The following ZBTB40 variants were observed in gnomAD, a reference collection of about 807,000 sequenced individuals.
ZBTB40 encodes the protein zinc finger and BTB domain containing 40, also known as zinc finger and BTB domain-containing protein 40.
ZBTB40 carries 60 observed loss-of-function variants against 117.5 expected under a neutral mutation model. The observed-to-expected ratio is 0.51, with a 90% CI of 0.41 to 0.63. The LOEUF is 0.63. ZBTB40 is among the 30% of genes least tolerant of loss of function. ZBTB40 has a pLI of 0.00. For synonymous variants in ZBTB40, 525 were observed against 577.1 expected (o/e 0.91, Z 1.29); for missense variants, 1,287 against 1,498.5 (o/e 0.86, Z 2.33).
rs780207871 is a variant in ZBTB40 at position 22,512,883 on chromosome 1, G to C, written c.2462-41G>C. The C allele has an allele frequency of 1.9e-6, 3 of 1,604,994 alleles. No individual in the cohort carries two copies. In the African/African-American group the frequency reaches 4.0e-5, roughly 21 times the overall value. ...TGTGCTAGATTCCTAACACTGATTA[G>C]TAGCATCTCTTCTGGCCTCTGGTGT... On this transcript the variant is annotated intron_variant, in intron 11 of 17. Coordinates refer to ENST00000375647, the MANE Select transcript of ZBTB40 (RefSeq NM_014870.4).
At chr1:22,433,432 C>CAAAAAACAAAAACAAAAACAAAAAAAAAA (rs1491371695) in intron 1 of ZBTB40, among the ~76,000 whole-genome samples, 1 of 8,766 alleles carries the variant, frequency 1.1e-4, no homozygotes, top group Non-Finnish European at 2.8e-4. Flanking sequence ...GACGCCCTCT[C>CAAAAAACAAAAACAAAAACAAAAAAAAAA]AAAAAAAAAA....
chr1:22,521,002 G>A (rs1639508108), intron 14 of ZBTB40, among the ~76,000 whole-genome samples: 1 of 152,188 alleles, frequency 6.6e-6, no homozygotes, highest in African/African-American at 2.4e-5. Context: ...GGAAGGAGAG[G>A]GACTCTTGCT....
intron 1 of ZBTB40, among the ~76,000 whole-genome samples, chr1:22,430,527 G>T (rs909729149): frequency 2.4e-4 from 36 of 152,158 alleles, no homozygotes; most frequent in Non-Finnish European, 1.2e-4. Context: ...GGAGGCCAAG[G>T]CTGCAGCAAT....
In ZBTB40 at chr1:22,529,248, G is replaced by A. The variant is rs16827292; in HGVS notation, c.*2852G>A. On this transcript the variant is annotated 3_prime_UTR_variant, in exon 18 of 18. Transcript: ENST00000375647. ...ACATCGCTCGCTTCCATGGGGTCCC[G>A]GTGTTGTTTTTGCCTCGTTCCCCAT... is the stretch of plus-strand genomic sequence containing the variant. 0.03 allele frequency: 4,567 copies of A among 152,432 alleles called. 101 individuals carry two copies. The highest frequency in any genetic ancestry group is 0.14 in the East Asian group (730 of 5,296). The allele number at this position is 152,432 out of a possible 1,614,324, so 9.4% of individuals were successfully genotyped here. A position where few individuals can be genotyped will look rare whatever the true frequency, so the allele number is the denominator to read the frequency against.
chr1:22,460,526 A>C (rs1227541671), intron 1 of ZBTB40, among the ~76,000 whole-genome samples: 2 of 152,160 alleles, frequency 1.3e-5, no homozygotes, highest in Admixed American at 6.5e-5. Flanking sequence ...GTTTCATGTA[A>C]CCCTCACAAC....
chr1:22,490,428 C>T lies in ZBTB40; in HGVS notation c.480C>T (p.Ser160=), dbSNP rs1204712273. 1 of 1,608,048 alleles carries T rather than the reference C, an allele frequency of 6.2e-7. No individual in the cohort carries two copies. The highest frequency in any genetic ancestry group is 1.3e-5 in the African/African-American group (1 of 74,566). Residue 160 remains serine (S), a synonymous_variant, in exon 2 of 18, where the codon TCC becomes TCT. Transcript: ENST00000375647. ...AAGGTGCTGGAGAGCCTCATTCTTC[C>T]CCAGAGCTTGCTGCCACTCCAGGGG... ...SSEGAGEPHS[S]PELAATPGGP...
intron 12 of ZBTB40, among the ~76,000 whole-genome samples, chr1:22,515,873 A>G (rs1218726143): frequency 6.6e-6 from 1 of 152,202 alleles, no homozygotes; most frequent in Non-Finnish European, 1.5e-5. Flanking sequence ...TTACATTTTC[A>G]GAAGTTAATT....
intron 10 of ZBTB40, 92 bp downstream of exon 10, chr1:22,511,439 A>G: frequency 6.5e-7 from 1 of 1,542,330 alleles, no homozygotes. Context: ...ATAGTTTATC[A>G]CAACCTTAAG....
chr1:22,496,669 A>G (rs760073838), intron 3 of ZBTB40, among the ~76,000 whole-genome samples: 2 of 152,198 alleles, frequency 1.3e-5, no homozygotes, highest in Non-Finnish European at 2.9e-5. Flanking sequence ...GGCTGCAGGT[A>G]TGGCAACACC....
At chr1:22,515,501 G>A (rs181587147) in intron 12 of ZBTB40, among the ~76,000 whole-genome samples, 17 of 152,298 alleles carry the variant, frequency 1.1e-4, no homozygotes, top group Admixed American at 3.9e-4. Flanking sequence ...AGTTCCTTCT[G>A]GAGGCTCTAG....
Position 22,525,954 on chromosome 1 carries a change from C to T in ZBTB40, c.3526-248C>T, listed in dbSNP as rs138710491. Among the ~76,000 whole-genome samples, 582 of 152,062 alleles carry T rather than the reference C, an allele frequency of 3.8e-3. 2 individuals carry two copies. Among genetic ancestry groups the T allele is most frequent in the Middle Eastern group, 0.01 (3 of 294 alleles). On this transcript the variant is annotated intron_variant, in intron 17 of 17. Transcript: ENST00000375647. ...TTCGCTGGTGTATAATCATAGAGTC[C>T]GGGCGCCCCGAGATGGCGTACTGAG... is the stretch of plus-strand genomic sequence containing the variant.
chr1:22,507,753 T>C (rs1255542067), intron 6 of ZBTB40, among the ~76,000 whole-genome samples: 1 of 152,184 alleles, frequency 6.6e-6, no homozygotes, highest in African/African-American at 2.4e-5. Context: ...GGTGAGCAAT[T>C]GCTAGCTCCT....
intron 1 of ZBTB40, among the ~76,000 whole-genome samples, chr1:22,461,331 T>G (rs1641127441): frequency 2.3e-3 from 1 of 442 alleles, no homozygotes; most frequent in South Asian, 0.17. Context: ...GTTCCGTTGT[T>G]TTTTTTTTTT....
At chr1:22,437,739 A>G (rs908205588) in intron 1 of ZBTB40, among the ~76,000 whole-genome samples, 4 of 151,802 alleles carry the variant, frequency 2.6e-5, no homozygotes, top group African/African-American at 9.7e-5. Context: ...CATCTTAACT[A>G]CTTTTAAGTG....
rs745947519 is a variant in ZBTB40, at chr1:22,490,340, C to A, written c.392C>A (p.Ala131Glu). Reference protein sequence around the residue: ...VQGQVVRDVSAPSSETFRKEP... With the variant: ...VQGQVVRDVSEPSSETFRKEP... ...GGTCAGGTGGTAAGGGATGTCTCTG[C>A]GCCATCCTCAGAGACATTCAGAAAG... is the stretch of plus-strand genomic sequence containing the variant. The change falls in exon 2 of 18, where the codon GCG becomes GAG. Residue 131 changes from alanine to glutamate, a missense_variant. Around this residue, in one of 2 missense-constraint regions of ZBTB40, gnomAD observed 870 missense variants for 934.4 expected, o/e 0.93. Coordinates refer to ENST00000375647, the MANE Select transcript of ZBTB40 (RefSeq NM_014870.4). 3 of 1,614,010 alleles carry A rather than the reference C, an allele frequency of 1.9e-6. No individual in the cohort carries two copies. Among genetic ancestry groups the A allele is most frequent in the Non-Finnish European group, 1.7e-6 (2 of 1,180,032 alleles).
chr1:22,520,568 A>G (rs985264457), intron 14 of ZBTB40, among the ~76,000 whole-genome samples: 2 of 152,194 alleles, frequency 1.3e-5, no homozygotes, highest in African/African-American at 4.8e-5. Context: ...CTCACCTTCC[A>G]TAGAACCCAT....
chr1:22,526,307 G>T lies in ZBTB40; in HGVS notation c.3631G>T (p.Ala1211Ser), dbSNP rs1639675517. Residue 1211 changes from alanine to serine, a missense_variant, in exon 18 of 18, where the codon GCA becomes TCA. Physicochemically the swap from Ala to Ser is moderately conservative, Grantham distance 99. This residue lies in a region of ZBTB40 where 417 missense variants were observed against 564.1 expected (regional missense o/e 0.74). Coordinates refer to ENST00000375647, the MANE Select transcript of ZBTB40 (RefSeq NM_014870.4). The part of the protein sequence containing the change: ...QVFVTLPDSQ[A>S]SQASSELVAV... ...GTTTGTGACGTTGCCAGATTCTCAG[G>T]CATCTCAGGCCAGCTCTGAGCTCGT... The T allele has an allele frequency of 6.2e-7, 1 of 1,614,188 alleles. No homozygotes were observed.
At chr1:22,516,754 C>G (rs1639383661) in intron 12 of ZBTB40, among the ~76,000 whole-genome samples, 1 of 152,142 alleles carries the variant, frequency 6.6e-6, no homozygotes, top group Non-Finnish European at 1.5e-5. Context: ...CAGACTTGTT[C>G]TTTATCCACA....
At position 22,501,494 on chromosome 1, in the gene ZBTB40, G is replaced by A; in HGVS notation, c.834G>A (p.Met278Ile). ...CSEIKGPQKE[M>I]IVKCFEGEGG... ...TTCTGGGTACTTTTGTTCCATAGATGATAGTGAAATGTTTCGAGGGTGAAG... is the reference window on the plus strand; with the variant it reads ...TTCTGGGTACTTTTGTTCCATAGATAATAGTGAAATGTTTCGAGGGTGAAG... Residue 278 changes from methionine to isoleucine, a missense_variant and splice_region_variant, in exon 4 of 18, where the codon ATG becomes ATA. Around this residue, in one of 2 missense-constraint regions of ZBTB40, gnomAD observed 870 missense variants for 934.4 expected, o/e 0.93. Coordinates refer to ENST00000375647, the MANE Select transcript of ZBTB40 (RefSeq NM_014870.4). 1.2e-6 allele frequency: 2 copies of A among 1,614,136 alleles called. No individual in the cohort carries two copies. The highest frequency in any genetic ancestry group is 8.5e-7 in the Non-Finnish European group (1 of 1,179,984).
Sources: allele counts gnomAD v4.1 joint callset (sites outside exome capture counted in the v4.1 genomes callset), GRCh38; gene constraint gnomAD v4.1.1; regional missense constraint gnomAD v4.1.1; transcripts MANE v1.5; gene names NCBI Gene and HGNC (gene_info 2026-07-23, HGNC 2026-07-21).